Variants in TANC1 observed in about 807,000 individuals in gnomAD.
The protein encoded by TANC1 is protein TANC1.
TANC1 carries 77 observed loss-of-function variants against 149.7 expected under a neutral mutation model. The ratio of observed to expected loss-of-function variants is 0.51; its 90% CI spans 0.43 to 0.62. TANC1 has a LOEUF of 0.62. TANC1 is among the 20% of genes least tolerant of loss of function. The pLI is 0.00. For synonymous variants in TANC1, 854 were observed against 925.0 expected, an observed-to-expected ratio of 0.92 and a Z score of 1.39; for missense variants, 1,985 against 2,321.8, an observed-to-expected ratio of 0.85 and a Z score of 2.98.
At chr2:159,130,094 A>T (rs1174034240) in intron 4 of TANC1, among the ~76,000 whole-genome samples, 2 of 152,074 alleles carry the variant, frequency 1.3e-5, no homozygotes, top group East Asian at 3.9e-4. Flanking sequence ...CTCCTAGAGG[A>T]GCTGGTTGTC....
At chr2:159,134,272 A>G (rs937625728) in intron 4 of TANC1, among the ~76,000 whole-genome samples, 50 of 152,182 alleles carry the variant, frequency 3.3e-4, no homozygotes, top group African/African-American at 1.2e-3. Context: ...GAATCAAGGA[A>G]GTGATTTTGG....
At chr2:159,074,925 C>T (rs946643429) in intron 3 of TANC1, among the ~76,000 whole-genome samples, 4 of 152,024 alleles carry the variant, frequency 2.6e-5, no homozygotes, top group African/African-American at 7.2e-5. Flanking sequence ...TATAAGAGCG[C>T]TAATCTCATC....
intron 2 of TANC1, among the ~76,000 whole-genome samples, chr2:159,019,370 C>T (rs1305993250): frequency 6.6e-6 from 1 of 152,204 alleles, no homozygotes; most frequent in Non-Finnish European, 1.5e-5. Context: ...ACTGCTGGCA[C>T]TTGCAAATTT....
chr2:159,118,132 C>T (rs1300649104), intron 4 of TANC1, among the ~76,000 whole-genome samples: 1 of 152,302 alleles, frequency 6.6e-6, no homozygotes, highest in East Asian at 1.9e-4. Flanking sequence ...CCTGGCTTAT[C>T]ACTGTCTTGA....
At chr2:159,119,115 A>G (rs2048589744) in intron 4 of TANC1, among the ~76,000 whole-genome samples, 1 of 152,216 alleles carries the variant, frequency 6.6e-6, no homozygotes, top group African/African-American at 2.4e-5. Context: ...TTTCTTTGGT[A>G]TAGGCAGATT....
At chr2:159,135,903 C>T (rs991186176) in intron 4 of TANC1, among the ~76,000 whole-genome samples, 19 of 152,132 alleles carry the variant, frequency 1.2e-4, no homozygotes, top group African/African-American at 4.3e-4. Context: ...AGCAAGAGAG[C>T]AGCTTTTGTT....
chr2:158,983,855 C>T (rs983918887), intron 1 of TANC1, among the ~76,000 whole-genome samples: 5 of 152,198 alleles, frequency 3.3e-5, no homozygotes, highest in African/African-American at 9.6e-5. Flanking sequence ...AAGATGCACG[C>T]GAAGGTGGAA....
intron 2 of TANC1, among the ~76,000 whole-genome samples, chr2:159,062,009 A>T (rs1471775947): frequency 6.6e-6 from 1 of 152,078 alleles, no homozygotes. Flanking sequence ...AGGCCAAGGC[A>T]GGCAGATCAC....
chr2:159,058,240 A>T (rs1418900579), intron 2 of TANC1, among the ~76,000 whole-genome samples: 1 of 152,162 alleles, frequency 6.6e-6, no homozygotes, highest in Non-Finnish European at 1.5e-5. Flanking sequence ...CCCAAATAAA[A>T]CCTACCTGCA....
chr2:159,178,444 A>G, intron 13 of TANC1, 112 bp from the exon 14 acceptor site: 1 of 1,250,688 alleles, frequency 8.0e-7, no homozygotes, highest in Admixed American at 2.4e-5. Context: ...AGTCCCTGTA[A>G]TCCATGAAAA....
chr2:159,166,638 C>T (rs1289107154), intron 8 of TANC1, among the ~76,000 whole-genome samples: 2 of 152,176 alleles, frequency 1.3e-5, no homozygotes, highest in East Asian at 3.8e-4. Flanking sequence ...GAATGTGAGT[C>T]TGACTTTTGC....
At chr2:159,051,032 G>T (rs910256561) in intron 2 of TANC1, among the ~76,000 whole-genome samples, 3 of 152,148 alleles carry the variant, frequency 2.0e-5, no homozygotes, top group Admixed American at 6.5e-5. Context: ...GTACCAGGAA[G>T]ATGTTTTGCT....
rs142851904 is a variant in TANC1, at chr2:159,181,480, G to A, written c.2510+2317G>A. On this transcript the variant is annotated intron_variant, in intron 14 of 26. Transcript: ENST00000263635. The stretch of plus-strand genomic sequence containing the variant: ...ATCCGGCTAACTTTTTGTATTTTTA[G>A]TAGAGACGGGGTTTCACCGTGTTAG... 5.5e-3 allele frequency among the ~76,000 whole-genome samples: 834 copies of A among 152,170 alleles called. 11 individuals carry two copies. Among genetic ancestry groups the A allele is most frequent in the African/African-American group, 0.019 (781 of 41,526 alleles).
At chr2:158,969,252 C>T (rs1450351102) in intron 1 of TANC1, among the ~76,000 whole-genome samples, 2 of 152,112 alleles carry the variant, frequency 1.3e-5, no homozygotes, top group East Asian at 1.9e-4. Context: ...CGCCTGGCAC[C>T]GCGGGGTCCT....
intron 6 of TANC1, 72 bp from the exon 7 acceptor site, chr2:159,150,298 C>A: frequency 7.8e-7 from 1 of 1,283,762 alleles, no homozygotes; most frequent in African/African-American, 1.5e-5. Flanking sequence ...ATTGTTTTAG[C>A]ACAAAAACAA....
intron 2 of TANC1, among the ~76,000 whole-genome samples, chr2:159,036,535 G>C (rs572380110): frequency 2.0e-5 from 3 of 151,738 alleles, no homozygotes; most frequent in Non-Finnish European, 4.4e-5. Context: ...ACAGGCCCTC[G>C]TGTGTGATGT....
rs1455665212 is a variant in TANC1, at chr2:159,230,147, C to T, written c.4721C>T (p.Pro1574Leu). Residue 1574 changes from proline (P) to leucine (L), a missense_variant, in exon 27 of 27, where the codon CCT (proline) becomes CTT (leucine). Pro to Leu is a moderately conservative substitution (Grantham distance 98). Transcript: ENST00000263635. The surrounding 1 kb of genome is among the most constrained non-coding windows in gnomAD (Gnocchi z 4.4). ...SPMPGRIAATPAGSRTQHLEG... is the reference protein window; with the variant it reads ...SPMPGRIAATLAGSRTQHLEG... ...ATGCCAGGGAGAATCGCTGCCACTC[C>T]TGCTGGGAGCAGAACCCAGCATTTA... 1.2e-6 allele frequency: 2 copies of T among 1,614,048 alleles called. No homozygotes were observed. The highest frequency in any genetic ancestry group is 2.2e-5 in the South Asian group (2 of 91,084).
chr2:159,198,240 A>G (rs745736333), intron 18 of TANC1, among the ~76,000 whole-genome samples: 3 of 152,228 alleles, frequency 2.0e-5, no homozygotes, highest in Admixed American at 6.5e-5. Flanking sequence ...TTCAACATTC[A>G]TAATCACATC....
rs188686677 is a variant in TANC1, at chr2:159,188,820, A to G, written c.2742+1796A>G. ...CCCTTCCTGTTTTCCTGTTTTCATT[A>G]AATCCAGAAGTTGAGAGATACCACC... On this transcript the variant is annotated intron_variant, in intron 16 of 26. Transcript: ENST00000263635. Among the ~76,000 whole-genome samples the G allele has an allele frequency of 3.2e-3, 490 of 152,338 alleles. 3 individuals carry two copies. Among genetic ancestry groups the G allele is most frequent in the African/African-American group, 0.011 (459 of 41,588 alleles).
Sources: gnomAD v4.1 joint callset for allele counts (sites outside exome capture counted in the v4.1 genomes callset) on GRCh38, gnomAD v4.1.1 for gene constraint, Gnocchi (gnomAD v3.1) non-coding constraint, MANE v1.5 for transcripts, NCBI Gene and HGNC (gene_info 2026-07-23, HGNC 2026-07-21) for gene names.